Variants in GAS7 observed in about 807,000 individuals in gnomAD.
GAS7 encodes growth arrest specific 7.
A neutral mutation model predicts 71.1 loss-of-function variants in GAS7; 28 were observed. The ratio of observed to expected loss-of-function variants is 0.39; its 90% CI spans 0.29 to 0.54. GAS7 has a LOEUF of 0.54. Among genes scored for constraint, GAS7 ranks in the 20% least tolerant of loss-of-function variants. GAS7 has a pLI of 0.62. For synonymous variants in GAS7, 258 were observed against 245.8 expected, an observed-to-expected ratio of 1.05 and a Z score of -0.46; for missense variants, 436 against 627.8, an observed-to-expected ratio of 0.69 and a Z score of 3.27.
In GAS7 at chr17:9,995,547, A is replaced by C. The variant is rs556724144; in HGVS notation, c.305-13663T>G. On this transcript the variant is annotated intron_variant, in intron 2 of 13. Coordinates refer to ENST00000432992, the MANE Select transcript of GAS7 (RefSeq NM_201433.2). ...ATTGCAAATGATCAATAACAAAAAA[A>C]AAAAAAAAAGATACTCATTCTCATT... Among the ~76,000 whole-genome samples, 1,473 of 152,188 alleles carry C rather than the reference A, an allele frequency of 9.7e-3. 18 individuals carry two copies. Among genetic ancestry groups the C allele is most frequent in the African/African-American group, 0.034 (1,404 of 41,496 alleles).
intron 1 of GAS7, among the ~76,000 whole-genome samples, chr17:10,045,654 G>A (rs1278124431): frequency 1.3e-5 from 2 of 152,172 alleles, no homozygotes; most frequent in Non-Finnish European, 2.9e-5. Context: ...CTGAGATCGC[G>A]CCATTGCACT....
intron 1 of GAS7, among the ~76,000 whole-genome samples, chr17:10,104,135 G>A (rs1430372450): frequency 6.6e-6 from 1 of 151,992 alleles, no homozygotes; most frequent in Admixed American, 6.6e-5. Flanking sequence ...TGTAGTCACG[G>A]CTTCGAATCT....
chr17:10,022,007 T>C (rs2072289633), intron 1 of GAS7, among the ~76,000 whole-genome samples: 1 of 152,130 alleles, frequency 6.6e-6, no homozygotes. Context: ...CTTGTAATCC[T>C]AGCACTTTGG....
intron 1 of GAS7, among the ~76,000 whole-genome samples, chr17:10,136,798 C>T (rs2142092618): frequency 6.6e-6 from 1 of 152,278 alleles, no homozygotes; most frequent in South Asian, 2.1e-4. Flanking sequence ...CAAATTCCTC[C>T]ATTATCTGAC....
intron 1 of GAS7, among the ~76,000 whole-genome samples, chr17:10,102,560 A>G (rs1050864537): frequency 6.6e-6 from 1 of 152,188 alleles, no homozygotes; most frequent in African/African-American, 2.4e-5. Context: ...TTCTAGGGGC[A>G]GCCCTGCCTC....
intron 1 of GAS7, among the ~76,000 whole-genome samples, chr17:10,025,404 T>C (rs1336309314): frequency 6.6e-6 from 1 of 151,718 alleles, no homozygotes; most frequent in Non-Finnish European, 1.5e-5. Context: ...GGATGACAAC[T>C]CAAGCCTGAT....
intron 1 of GAS7, chr17:10,020,283 G>A (rs971005250): frequency 5.8e-5 from 12 of 207,306 alleles, no homozygotes; most frequent in South Asian, 1.3e-4. Flanking sequence ...CCCAGACCAC[G>A]AAGCACAGCA....
chr17:9,987,243 G>C (rs191941283), intron 2 of GAS7, among the ~76,000 whole-genome samples: 2 of 152,172 alleles, frequency 1.3e-5, no homozygotes, highest in Non-Finnish European at 2.9e-5. Flanking sequence ...GGAACAGTGC[G>C]GTCAGAGTGG....
chr17:10,137,140 C>T (rs1481608625), intron 1 of GAS7, among the ~76,000 whole-genome samples: 1 of 123,062 alleles, frequency 8.1e-6, no homozygotes, highest in African/African-American at 2.9e-5. Flanking sequence ...GAGAGAGAGA[C>T]CGCAAATACT....
chr17:9,956,461 T>G (rs1178605540), intron 5 of GAS7, among the ~76,000 whole-genome samples: 1 of 151,988 alleles, frequency 6.6e-6, no homozygotes, highest in Non-Finnish European at 1.5e-5. Context: ...TGTGGCCGGG[T>G]GGCTTTGCTG....
chr17:9,986,777 G>T (rs144904495), intron 2 of GAS7, among the ~76,000 whole-genome samples: 157 of 152,264 alleles, frequency 1.0e-3, no homozygotes, highest in African/African-American at 3.7e-3. Context: ...CATCAGGGAC[G>T]ATGCAGCTGC....
chr17:10,071,777 A>ATAATAC (rs1335057502), intron 1 of GAS7, among the ~76,000 whole-genome samples: 1 of 151,670 alleles, frequency 6.6e-6, no homozygotes, highest in Non-Finnish European at 1.5e-5. Flanking sequence ...AATAATAATA[A>ATAATAC]TAAACAAAAA....
chr17:10,046,848 A>AAG lies in GAS7; in HGVS notation c.184-26952_184-26951insCT, dbSNP rs1567567297. Among the ~76,000 whole-genome samples the AAG allele has an allele frequency of 1.7e-3, 207 of 124,202 alleles. 15 individuals are homozygous for AAG. The highest frequency in any genetic ancestry group is 4.4e-3 in the African/African-American group (132 of 29,784). The allele number at this position is 124,202 out of a possible 152,430, so 81.5% of individuals were successfully genotyped here. A position where few individuals can be genotyped will look rare whatever the true frequency, so the allele number is the denominator to read the frequency against. ...AGGAAGGAAGGAAGGAAGGAAGGAA[A>AAG]GAAAAGAAAAGAAAAAAGAAAAGAA... is the stretch of plus-strand genomic sequence containing the variant. On this transcript the variant is annotated intron_variant, in intron 1 of 13. Coordinates refer to ENST00000432992, the MANE Select transcript of GAS7 (RefSeq NM_201433.2).
chr17:10,126,546 G>GCACACACACAAAGAGCGCA (rs201631689), intron 1 of GAS7, among the ~76,000 whole-genome samples: 1 of 151,590 alleles, frequency 6.6e-6, no homozygotes, highest in African/African-American at 2.4e-5. Context: ...CACAAAGAGC[G>GCACACACACAAAGAGCGCA]CACACACGCA....
At chr17:9,949,221 C>T (rs2068908909) in intron 5 of GAS7, among the ~76,000 whole-genome samples, 3 of 149,708 alleles carry the variant, frequency 2.0e-5, no homozygotes, top group Non-Finnish European at 4.4e-5. Flanking sequence ...TGCAGAGATG[C>T]GTCCAAGGGG....
intron 1 of GAS7, among the ~76,000 whole-genome samples, chr17:10,050,210 T>C (rs1278041000): frequency 1.3e-5 from 2 of 152,150 alleles, no homozygotes; most frequent in Non-Finnish European, 2.9e-5. Flanking sequence ...ACATTTGACA[T>C]CCCCTAAAAT....
At chr17:9,975,827 G>A (rs1006599181) in intron 3 of GAS7, among the ~76,000 whole-genome samples, 2 of 152,168 alleles carry the variant, frequency 1.3e-5, no homozygotes, top group Non-Finnish European at 1.5e-5. Context: ...GCACACAGAC[G>A]CAGAACCCGT....
rs139045164 is a variant in GAS7, at chr17:9,995,950, C to G, written c.305-14066G>C. Among the ~76,000 whole-genome samples the G allele has an allele frequency of 4.6e-5, 7 of 152,262 alleles. No homozygotes were observed. In the South Asian group the frequency reaches 8.3e-4, roughly 18 times the overall value. ...GAGTGAAAGGCTCCAAAACACACTA[C>G]GTGTACAAAAGGTTCTCACTTTAAC... On this transcript the variant is annotated intron_variant, in intron 2 of 13. Coordinates refer to ENST00000432992, the MANE Select transcript of GAS7 (RefSeq NM_201433.2).
At chr17:10,110,395 G>A (rs2073800069) in intron 1 of GAS7, among the ~76,000 whole-genome samples, 1 of 152,176 alleles carries the variant, frequency 6.6e-6, no homozygotes, top group Non-Finnish European at 1.5e-5. Context: ...TAGGAAGGGT[G>A]TGTGGGAAAG....
Sources: allele counts gnomAD v4.1 joint callset (sites outside exome capture counted in the v4.1 genomes callset), GRCh38; gene constraint gnomAD v4.1.1; transcripts MANE v1.5; gene names NCBI Gene and HGNC (gene_info 2026-07-23, HGNC 2026-07-21).